ABCC11: variants seen among roughly 807,000 people sequenced by gnomAD.
ABCC11 encodes ATP binding cassette subfamily C member 11, also known as ATP-binding cassette sub-family C member 11.
Under a neutral mutation model 149.3 loss-of-function variants are expected in ABCC11, and 135 were observed. The ratio of observed to expected loss-of-function variants is 0.90; its 90% confidence interval spans 0.79 to 1.04. The LOEUF (loss-of-function observed/expected upper bound fraction) is 1.04, where lower values mean the gene tolerates loss of function less well. Ranked by LOEUF, ABCC11 falls within the 50% of genes least tolerant of loss-of-function variation. ABCC11 has a pLI of 0.00. For synonymous variants in ABCC11, 665 were observed against 671.4 expected (o/e 0.99, Z 0.15); for missense variants, 1,680 against 1,722.1 (o/e 0.98, Z 0.43).
chr16:48,167,138 C>G lies in ABCC11; in HGVS notation c.*136G>C, dbSNP rs1037081154. On this transcript the variant is annotated 3_prime_UTR_variant, in exon 30 of 30. Transcript: ENST00000356608. ...AGGGTTTCCATCCAGCAATCCCCAC[C>G]CCCCCTACATTTACCCCTGCTTCCA... 5.6e-6 allele frequency: 3 copies of G among 539,594 alleles called. No homozygotes were observed. The highest frequency in any genetic ancestry group is 1.1e-5 in the Non-Finnish European group (3 of 282,096). 33.4% of individuals were successfully genotyped at this position (539,594 alleles called of 1,614,324 possible).
intron 22 of ABCC11, among the ~76,000 whole-genome samples, chr16:48,184,971 G>A (rs556284973): frequency 4.3e-4 from 66 of 152,332 alleles, no homozygotes; most frequent in African/African-American, 1.6e-3. Flanking sequence ...GTGTGGGAGT[G>A]ATTCCTTTCA....
At chr16:48,233,350 T>C (rs1183489604) in intron 1 of ABCC11, among the ~76,000 whole-genome samples, 2 of 152,208 alleles carry the variant, frequency 1.3e-5, no homozygotes, top group African/African-American at 4.8e-5. Context: ...CACAACCAGA[T>C]CTGGTAGAGT....
rs1190000726 is a variant in ABCC11 at position 48,176,959 on chromosome 16, T to C, written c.3503A>G (p.His1168Arg). The C allele has an allele frequency of 2.5e-6, 4 of 1,614,154 alleles. No individual in the cohort carries two copies. Among genetic ancestry groups the C allele is most frequent in the East Asian group, 2.2e-5 (1 of 44,884 alleles). The stretch of plus-strand genomic sequence containing the variant: ...CCTTCCCACGATGCCCACCACTTCG[T>C]GGCCGCGGATGGTCAGGTTGATGCC... ...LHGINLTIRG[H>R]EVVGIVGRTG... Residue 1168 changes from histidine (H) to arginine (R), a missense_variant, in exon 25 of 30, where the codon CAC (histidine) becomes CGC (arginine). Physicochemically the swap from His to Arg is conservative, Grantham distance 29. Coordinates refer to ENST00000356608, the MANE Select transcript of ABCC11 (RefSeq NM_001370497.1).
intron 12 of ABCC11, among the ~76,000 whole-genome samples, chr16:48,206,870 G>A (rs1355537356): frequency 6.6e-6 from 1 of 152,162 alleles, no homozygotes; most frequent in South Asian, 2.1e-4. Context: ...TGTCATGGGA[G>A]GTTACCAGAG....
intron 7 of ABCC11, 31 bp downstream of exon 7, chr16:48,216,083 G>A (rs1229716940): frequency 1.9e-6 from 3 of 1,606,136 alleles, no homozygotes; most frequent in Non-Finnish European, 2.6e-6. Context: ...CTGGGGCCCA[G>A]CATCAAATGG....
chr16:48,222,961 G>A, intron 5 of ABCC11, 130 bp from the exon 6 acceptor site: 2 of 773,162 alleles, frequency 2.6e-6, no homozygotes, highest in Non-Finnish European at 4.1e-6. Flanking sequence ...ACTGACTCAA[G>A]TACAATCCTG....
At chr16:48,244,390 T>C (rs1391118129) in intron 1 of ABCC11, 1 of 1,545,596 alleles carries the variant, frequency 6.5e-7, no homozygotes. Context: ...GCTGCCAGCA[T>C]GTCATCAGTG....
chr16:48,231,675 A>ATG, intron 2 of ABCC11, 148 bp downstream of exon 2: 1 of 817,642 alleles, frequency 1.2e-6, no homozygotes, highest in Non-Finnish European at 1.6e-6. Flanking sequence ...AAAAAAAAAA[A>ATG]AGAGAGAGAG....
intron 28 of ABCC11, among the ~76,000 whole-genome samples, chr16:48,169,023 G>A (rs575272490): frequency 3.3e-5 from 5 of 152,236 alleles, no homozygotes; most frequent in Admixed American, 6.5e-5. Context: ...AAACCTGCAC[G>A]TTCTGCACAT....
chr16:48,222,956 C>T, intron 5 of ABCC11, 125 bp from the exon 6 acceptor site: 1 of 812,408 alleles, frequency 1.2e-6, no homozygotes, highest in South Asian at 1.8e-5. Context: ...TCAAAACTGA[C>T]TCAAGTACAA....
chr16:48,193,148 C>T (rs571469859), intron 19 of ABCC11, among the ~76,000 whole-genome samples: 3 of 152,298 alleles, frequency 2.0e-5, no homozygotes, highest in Admixed American at 1.3e-4. Context: ...GGCTGGAAGG[C>T]ATCCTGGGAA....
chr16:48,213,582 C>T (rs751623888), intron 9 of ABCC11, 32 bp from the exon 10 acceptor site: 25 of 1,558,864 alleles, frequency 1.6e-5, no homozygotes, highest in South Asian at 7.1e-5. Flanking sequence ...TGGTGAGGGT[C>T]GTGGCCCTTC....
intron 23 of ABCC11, 127 bp from the exon 24 acceptor site, chr16:48,178,813 G>T: frequency 1.2e-6 from 1 of 817,340 alleles, no homozygotes; most frequent in Non-Finnish European, 1.9e-6. Context: ...AATTTTCCTA[G>T]CAAGAATGGA....
intron 18 of ABCC11, among the ~76,000 whole-genome samples, chr16:48,195,241 AC>A: frequency 6.6e-6 from 1 of 152,044 alleles, no homozygotes; most frequent in South Asian, 2.1e-4. Flanking sequence ...ATGACTTTAT[AC>A]CCCTCCCCTC....
chr16:48,223,313 G>A (rs1175437702), intron 5 of ABCC11, among the ~76,000 whole-genome samples: 1 of 152,168 alleles, frequency 6.6e-6, no homozygotes, highest in Non-Finnish European at 1.5e-5. Flanking sequence ...AAGGAGGGAG[G>A]CCGCCTGGGG....
At chr16:48,168,293 A>G (rs1965467970) in intron 28 of ABCC11, among the ~76,000 whole-genome samples, 1 of 152,176 alleles carries the variant, frequency 6.6e-6, no homozygotes, top group Admixed American at 6.5e-5. Context: ...CCAAATGGCT[A>G]TGTAATTGAA....
Position 48,196,335 on chromosome 16 carries a change from G to A in ABCC11, c.2315-14C>T. ...GATGCTCCGGCACTGGGTCAGGGTA[G>A]AAGAAGAGAAAAGTGGTATGCCTGC... On this transcript the variant is annotated splice_polypyrimidine_tract_variant and intron_variant, in intron 17 of 29. Coordinates refer to ENST00000356608, the MANE Select transcript of ABCC11 (RefSeq NM_001370497.1). 2 of 1,612,462 alleles carry A rather than the reference G, an allele frequency of 1.2e-6. No homozygotes were observed. The highest frequency in any genetic ancestry group is 1.1e-5 in the South Asian group (1 of 90,830).
At chr16:48,178,167 A>T (rs1186895250) in intron 24 of ABCC11, among the ~76,000 whole-genome samples, 1 of 152,228 alleles carries the variant, frequency 6.6e-6, no homozygotes, top group Non-Finnish European at 1.5e-5. Flanking sequence ...TGGGGAAAAG[A>T]GAGTTTGAAT....
chr16:48,232,256 C>T lies in ABCC11; in HGVS notation c.-18-317G>A, dbSNP rs192538444. 351 of 234,744 alleles carry T rather than the reference C, an allele frequency of 1.5e-3. 1 individual carries two copies. The Middle Eastern group carries it at 0.015, about 10-fold the overall frequency. The allele number at this position is 234,744 out of a possible 1,614,324, so 14.5% of individuals were successfully genotyped here. The stretch of plus-strand genomic sequence containing the variant: ...AACCCCTGCTCATAAAATCAGTCTT[C>T]TTGCTTTATCCCAGTCTTTAACTGT... On this transcript the variant is annotated intron_variant, in intron 1 of 29. Transcript: ENST00000356608.
Sources: allele counts gnomAD v4.1 joint callset (sites outside exome capture counted in the v4.1 genomes callset), GRCh38; gene constraint gnomAD v4.1.1; transcripts MANE v1.5; gene names NCBI Gene and HGNC (gene_info 2026-07-23, HGNC 2026-07-21).